MDN1: variants seen among roughly 807,000 people sequenced by gnomAD.
The protein encoded by MDN1 is midasin AAA ATPase 1.
A neutral mutation model predicts 669.2 loss-of-function variants in MDN1; 266 were observed. The observed-to-expected ratio is 0.40, with a 90% CI of 0.36 to 0.44. MDN1 has a LOEUF of 0.44. Among genes scored for constraint, MDN1 ranks in the 20% least tolerant of loss-of-function variants. MDN1 has a pLI of 1.00. For synonymous variants in MDN1, 2,385 were observed against 2,457.1 expected (o/e 0.97, Z 0.87); for missense variants, 5,940 against 6,754.0 (o/e 0.88, Z 4.22).
chr6:89,799,990 G>C (rs1164190254), intron 2 of MDN1, among the ~76,000 whole-genome samples: 1 of 151,996 alleles, frequency 6.6e-6, no homozygotes, highest in Non-Finnish European at 1.5e-5. Flanking sequence ...GTTGCCAGGA[G>C]AACCAACCAA....
At chr6:89,729,295 A>C (rs185004573) in intron 35 of MDN1, among the ~76,000 whole-genome samples, 156 bp from the exon 36 acceptor site, 50 of 152,336 alleles carry the variant, frequency 3.3e-4, no homozygotes, top group Admixed American at 9.8e-4. Flanking sequence ...ATATTTCCCC[A>C]CTTTTAGATC....
chr6:89,768,626 A>T (rs532456613), intron 15 of MDN1, among the ~76,000 whole-genome samples: 62 of 152,090 alleles, frequency 4.1e-4, no homozygotes, highest in African/African-American at 1.4e-3. Flanking sequence ...AGTCCCAGTT[A>T]CTCGGGAGGC....
At chr6:89,786,183 C>G (rs540166908) in intron 8 of MDN1, among the ~76,000 whole-genome samples, 8 of 152,080 alleles carry the variant, frequency 5.3e-5, no homozygotes, top group Non-Finnish European at 1.2e-4. Context: ...CGCTTGAACC[C>G]GGGAGGCAGA....
intron 26 of MDN1, 64 bp from the exon 27 acceptor site, chr6:89,747,534 C>T: frequency 1.4e-6 from 2 of 1,453,690 alleles, no homozygotes; most frequent in Non-Finnish European, 1.9e-6. Context: ...GTTTTTAGTA[C>T]AATGCATATA....
In MDN1 at chr6:89,718,987, G is replaced by T; in HGVS notation, c.6101C>A (p.Pro2034Gln). The T allele has an allele frequency of 1.2e-6, 2 of 1,614,142 alleles. No homozygotes were observed. The highest frequency in any genetic ancestry group is 1.7e-6 in the Non-Finnish European group (2 of 1,180,018). ...CAGGAGCAACAGGGGATGGCGGGACGGGTGAGGAACACAGCTCCCACGGGA... is the reference window on the plus strand; with the variant it reads ...CAGGAGCAACAGGGGATGGCGGGACTGGTGAGGAACACAGCTCCCACGGGA... ...VLSRGSCVPH[P>Q]SRHPLLLLHQ... The change falls in exon 42 of 102, where the codon CCG becomes CAG. Residue 2034 changes from proline (P) to glutamine (Q), a missense_variant. Around this residue, in one of 5 missense-constraint regions of MDN1, gnomAD observed 2,292 missense variants for 2,638.3 expected, o/e 0.87. Transcript: ENST00000369393.
intron 31 of MDN1, among the ~76,000 whole-genome samples, chr6:89,741,297 T>C (rs955318659): frequency 6.6e-6 from 1 of 152,000 alleles, no homozygotes; most frequent in Non-Finnish European, 1.5e-5. Flanking sequence ...TTTGCAAAAA[T>C]TATGAGTGAG....
At position 89,686,984 on chromosome 6, in the gene MDN1, G is replaced by A; in HGVS notation, c.11490C>T (p.His3830=). ...SMSLDNTMKR[H]TEKSTKHWFS... The stretch of plus-strand genomic sequence containing the variant: ...ACCAGTGCTTGGTGGATTTCTCGGT[G>A]TGGCGCTTCATAGTATTATCCAAAC... The change falls in exon 69 of 102, where the codon CAC becomes CAT. Residue 3830 remains histidine (H), a synonymous_variant. Coordinates refer to ENST00000369393, the MANE Select transcript of MDN1 (RefSeq NM_014611.3). The A allele has an allele frequency of 6.2e-7, 1 of 1,611,268 alleles. No individual in the cohort carries two copies. The highest frequency in any genetic ancestry group is 1.1e-5 in the South Asian group (1 of 90,846).
intron 57 of MDN1, 78 bp from the exon 58 acceptor site, chr6:89,699,805 G>T: frequency 6.9e-7 from 1 of 1,458,166 alleles, no homozygotes; most frequent in Admixed American, 2.0e-5. Context: ...ATTAGGGAAG[G>T]TGTAACATAA....
rs771668131 is a variant in MDN1 at position 89,645,165 on chromosome 6, C to G, written c.16460-8G>C. 1 of 1,579,544 alleles carries G rather than the reference C, an allele frequency of 6.3e-7. No individual in the cohort carries two copies. The highest frequency in any genetic ancestry group is 1.1e-5 in the South Asian group (1 of 89,592). On this transcript the variant is annotated splice_region_variant and splice_polypyrimidine_tract_variant and intron_variant, in intron 100 of 101. Coordinates refer to ENST00000369393, the MANE Select transcript of MDN1 (RefSeq NM_014611.3). Reference sequence around the variant, plus strand: ...GGAGGAGTTGTGCAGTTTCTGTAGACCATATAAGACGAAGCAAGGGAATAA... The same window carrying G: ...GGAGGAGTTGTGCAGTTTCTGTAGAGCATATAAGACGAAGCAAGGGAATAA...
At position 89,683,813 on chromosome 6, in the gene MDN1, T is replaced by G; in HGVS notation, c.11903+18A>C. 3 of 1,604,306 alleles carry G rather than the reference T, an allele frequency of 1.9e-6. No homozygotes were observed. Among genetic ancestry groups the G allele is most frequent in the Non-Finnish European group, 2.6e-6 (3 of 1,171,852 alleles). ...TCTATTCTATTTTGGTTGTCTCCAG[T>G]TTTAAAAGATGGATTACCTGTGTGT... is the stretch of plus-strand genomic sequence containing the variant. On this transcript the variant is annotated intron_variant, in intron 72 of 101. Transcript: ENST00000369393.
At position 89,645,170 on chromosome 6, in the gene MDN1, T is replaced by G. The variant is rs1470922451; in HGVS notation, c.16460-13A>C. 1 of 1,580,158 alleles carries G rather than the reference T, an allele frequency of 6.3e-7. No homozygotes were observed. The highest frequency in any genetic ancestry group is 8.7e-7 in the Non-Finnish European group (1 of 1,153,940). ...AGTTGTGCAGTTTCTGTAGACCATA[T>G]AAGACGAAGCAAGGGAATAAAATGA... On this transcript the variant is annotated splice_polypyrimidine_tract_variant and intron_variant, in intron 100 of 101. Coordinates refer to ENST00000369393, the MANE Select transcript of MDN1 (RefSeq NM_014611.3).
At chr6:89,687,193 C>T (rs1454517206) in intron 68 of MDN1, 151 bp downstream of exon 68, 9 of 1,152,550 alleles carry the variant, frequency 7.8e-6, no homozygotes, top group Non-Finnish European at 1.1e-5. Flanking sequence ...GTATTCAGGT[C>T]ATTTTAATGC....
chr6:89,755,849 A>C (rs1052088514), intron 20 of MDN1, among the ~76,000 whole-genome samples: 1 of 152,366 alleles, frequency 6.6e-6, no homozygotes, highest in Middle Eastern at 3.4e-3. Flanking sequence ...TATTAGGCTA[A>C]GCTTCCATTA....
At chr6:89,682,699 T>TAAAAAAAAAAAAAAAAA (rs143107841) in intron 73 of MDN1, among the ~76,000 whole-genome samples, 5 of 96,856 alleles carry the variant, frequency 5.2e-5, no homozygotes, top group Admixed American at 1.1e-4. Flanking sequence ...GACTCTGTCT[T>TAAAAAAAAAAAAAAAAA]AAAAAAAAAA....
intron 36 of MDN1, 123 bp from the exon 37 acceptor site, chr6:89,728,078 C>T (rs1479367258): frequency 7.0e-6 from 8 of 1,149,224 alleles, no homozygotes; most frequent in Non-Finnish European, 9.7e-6. Context: ...TTCCTACACC[C>T]AAGATAGAAC....
In MDN1 at chr6:89,796,858, C is replaced by T. The variant is rs370116539; in HGVS notation, c.330-2057G>A. On this transcript the variant is annotated intron_variant, in intron 2 of 101. Transcript: ENST00000369393. ...CTGAGGCGGGTGGATCACCTGAGGT[C>T]GGGAGTTCGAGACCAGCCTGACCAA... Among the ~76,000 whole-genome samples, 293 of 150,800 alleles carry T rather than the reference C, an allele frequency of 1.9e-3. 2 individuals carry two copies. Among genetic ancestry groups the T allele is most frequent in the African/African-American group, 6.5e-3 (266 of 41,018 alleles).
chr6:89,693,255 AAAT>A (rs765998078), intron 62 of MDN1, 107 bp from the exon 63 acceptor site: 20 of 723,154 alleles, frequency 2.8e-5, no homozygotes, highest in Non-Finnish European at 4.1e-5. Context: ...AGCTGCTGCG[AAAT>A]AATATTTCCA....
chr6:89,775,898 A>G (rs1818331942), intron 12 of MDN1, among the ~76,000 whole-genome samples: 1 of 152,078 alleles, frequency 6.6e-6, no homozygotes, highest in Non-Finnish European at 1.5e-5. Flanking sequence ...AGTGTTGGCC[A>G]GGCTGGTCTT....
At position 89,698,872 on chromosome 6, in the gene MDN1, G is replaced by A. The variant is rs1305408622; in HGVS notation, c.9161C>T (p.Thr3054Ile). The A allele has an allele frequency of 1.2e-6, 2 of 1,613,660 alleles. No individual in the cohort carries two copies. Among genetic ancestry groups the A allele is most frequent in the Non-Finnish European group, 1.7e-6 (2 of 1,179,926 alleles). ...REAPKSVLDS[T>I]LKGPGNLNRP... ...AATTTTAGACCAACAAACCTTCAAT[G>A]TGGAGTCCAAAACAGACTTGGGTGC... Residue 3054 changes from threonine (T) to isoleucine (I), a missense_variant, in exon 59 of 102, where the codon ACA becomes ATA. Coordinates refer to ENST00000369393, the MANE Select transcript of MDN1 (RefSeq NM_014611.3).
Sources: allele counts gnomAD v4.1 joint callset (sites outside exome capture counted in the v4.1 genomes callset), GRCh38; gene constraint gnomAD v4.1.1; regional missense constraint gnomAD v4.1.1; transcripts MANE v1.5; gene names NCBI Gene and HGNC (gene_info 2026-07-23, HGNC 2026-07-21).